Variants in PALD1 observed in about 807,000 individuals in gnomAD.
PALD1 encodes the protein paladin.
In PALD1, 57 loss-of-function variants were observed where a neutral mutation model predicts 96.0. The observed-to-expected ratio is 0.59, with a 90% confidence interval of 0.48 to 0.74. The LOEUF (loss-of-function observed/expected upper bound fraction) is 0.74. PALD1 is among the 30% of genes least tolerant of loss of function. PALD1 has a pLI of 0.00. For missense variants in PALD1, 1,063 were observed against 1,143.7 expected (o/e 0.93, Z 1.02); for synonymous variants, 464 against 473.6 (o/e 0.98, Z 0.26).
intron 17 of PALD1, among the ~76,000 whole-genome samples, chr10:70,546,070 C>G (rs1220404014): frequency 6.6e-6 from 1 of 151,986 alleles, no homozygotes; most frequent in African/African-American, 2.4e-5. Context: ...AACCCTGTCT[C>G]TACTAAAAAT....
At chr10:70,472,568 A>G in the PALD1 span, among the ~76,000 whole-genome samples, 1 of 152,000 alleles carries the variant, frequency 6.6e-6, no homozygotes, top group Non-Finnish European at 1.5e-5. Context: ...GCCAGATCTG[A>G]GTTATTTAAA....
intron 1 of PALD1, among the ~76,000 whole-genome samples, chr10:70,511,158 A>G (rs1846509921): frequency 1.3e-5 from 2 of 152,218 alleles, no homozygotes; most frequent in South Asian, 2.1e-4. Flanking sequence ...GGTCAAACCT[A>G]AAAATAACAG....
At chr10:70,474,453 C>T (rs1414352234), upstream of PALD1, among the ~76,000 whole-genome samples, 2 of 151,954 alleles carry the variant, frequency 1.3e-5, no homozygotes, top group African/African-American at 2.4e-5. Context: ...TCTAACTACT[C>T]GGGAGCCTGA....
chr10:70,536,827 A>C (rs538551786), intron 10 of PALD1, among the ~76,000 whole-genome samples: 3 of 152,158 alleles, frequency 2.0e-5, no homozygotes, highest in Admixed American at 2.0e-4. Context: ...TCTCACTTGA[A>C]TCTCACTTGC....
chr10:70,467,203 C>G, the PALD1 span, among the ~76,000 whole-genome samples: 1 of 152,062 alleles, frequency 6.6e-6, no homozygotes, highest in Non-Finnish European at 1.5e-5. Flanking sequence ...TCTTGACCCC[C>G]TTGGGAAAGA....
chr10:70,547,021 T>C (rs1187155291), intron 17 of PALD1, among the ~76,000 whole-genome samples: 1 of 152,212 alleles, frequency 6.6e-6, no homozygotes, highest in Non-Finnish European at 1.5e-5. Context: ...TCCATGCCTT[T>C]TTTAGATATT....
chr10:70,518,826 G>A (rs1394702047), intron 1 of PALD1, among the ~76,000 whole-genome samples: 2 of 152,044 alleles, frequency 1.3e-5, no homozygotes, highest in African/African-American at 2.4e-5. Context: ...GTGAGTCCCC[G>A]ACCCCTGCCC....
chr10:70,506,873 C>G (rs915206373), intron 1 of PALD1, among the ~76,000 whole-genome samples: 1 of 152,186 alleles, frequency 6.6e-6, no homozygotes, highest in African/African-American at 2.4e-5. Flanking sequence ...ATGTGTCCTC[C>G]TCCTTAGCCT....
At position 70,526,468 on chromosome 10, in the gene PALD1, G is replaced by A. The variant is rs557556655; in HGVS notation, c.185+332G>A. 3.9e-5 allele frequency among the ~76,000 whole-genome samples: 6 copies of A among 152,350 alleles called. No individual in the cohort carries two copies. In the South Asian group the frequency reaches 1.2e-3, roughly 32 times the overall value. On this transcript the variant is annotated intron_variant, in intron 2 of 19. Coordinates refer to ENST00000263563, the MANE Select transcript of PALD1 (RefSeq NM_014431.3). ...TTCAAAAGAAGTTTATGTACTTGAT[G>A]GATGAAATTGGGATTTCTTTTTCAC...
chr10:70,464,979 ATG>A, the PALD1 span, among the ~76,000 whole-genome samples: 1 of 137,404 alleles, frequency 7.3e-6, no homozygotes, highest in Non-Finnish European at 1.5e-5. Context: ...GTATGTATGT[ATG>A]TATGTATGTT....
chr10:70,486,067 C>A (rs180897608), intron 1 of PALD1: 2 of 225,256 alleles, frequency 8.9e-6, no homozygotes, highest in South Asian at 1.7e-4. Context: ...CAAGTTATGC[C>A]GATTGTTTAG....
intron 1 of PALD1, among the ~76,000 whole-genome samples, chr10:70,508,172 G>C (rs1489603968): frequency 6.6e-6 from 1 of 152,234 alleles, no homozygotes; most frequent in Non-Finnish European, 1.5e-5. Context: ...GGCTGGGCCA[G>C]ACCATTTGAG....
the PALD1 span, among the ~76,000 whole-genome samples, chr10:70,470,973 GT>G: frequency 6.1e-3 from 853 of 139,034 alleles, 2 homozygotes; most frequent in African/African-American, 0.017. Flanking sequence ...GGCTAATTTA[GT>G]TTTTTTTTTT....
rs1589198174 is a variant in PALD1, at chr10:70,530,084, C to G, written c.468+16C>G. The G allele has an allele frequency of 2.7e-6, 4 of 1,489,890 alleles. No homozygotes were observed. Among genetic ancestry groups the G allele is most frequent in the Non-Finnish European group, 3.6e-6 (4 of 1,120,766 alleles). 92.3% of individuals were successfully genotyped at this position (1,489,890 alleles called of 1,614,324 possible). On this transcript the variant is annotated intron_variant, in intron 4 of 19. Transcript: ENST00000263563. Reference sequence around the variant, plus strand: ...CGGACATAGGGTAAGTATGCCACTTCCCAGGCAGAAGCCAGGTCCCCAAAG... The same window carrying G: ...CGGACATAGGGTAAGTATGCCACTTGCCAGGCAGAAGCCAGGTCCCCAAAG...
chr10:70,554,103 T>G (rs1847540997), intron 18 of PALD1, among the ~76,000 whole-genome samples: 1 of 152,194 alleles, frequency 6.6e-6, no homozygotes, highest in South Asian at 2.1e-4. Flanking sequence ...GCCTCCTGCA[T>G]GTGAAGGGGC....
chr10:70,468,702 C>CTGTGTGTGTGTGTGTGTGTGTGTG, the PALD1 span, among the ~76,000 whole-genome samples: 2 of 123,806 alleles, frequency 1.6e-5, no homozygotes, highest in Non-Finnish European at 3.4e-5. Context: ...TGAGGCAGGA[C>CTGTGTGTGTGTGTGTGTGTGTGTG]TGTGTGTGTG....
In PALD1 at chr10:70,539,733, A is replaced by G. The variant is rs1847200659; in HGVS notation, c.1879A>G (p.Met627Val). 8 of 1,611,614 alleles carry G rather than the reference A, an allele frequency of 5.0e-6. No homozygotes were observed. The highest frequency in any genetic ancestry group is 6.8e-6 in the Non-Finnish European group (8 of 1,179,144). Residue 627 changes from methionine (M) to valine (V), a missense_variant, in exon 15 of 20, where the codon ATG (methionine) becomes GTG (valine). Physicochemically the swap from Met to Val is conservative, Grantham distance 21. Coordinates refer to ENST00000263563, the MANE Select transcript of PALD1 (RefSeq NM_014431.3). This position sits in a 1 kb window ranked among gnomAD's most constrained non-coding sequence, Gnocchi z 4.5. ...TGGCCTCACCTACCACCGCATCCCCATGCCGGACTTCTGTGCCCCCCGAGA... is the reference window on the plus strand; with the variant it reads ...TGGCCTCACCTACCACCGCATCCCCGTGCCGGACTTCTGTGCCCCCCGAGA... ...CPGLTYHRIPMPDFCAPREED... is the reference protein window; with the variant it reads ...CPGLTYHRIPVPDFCAPREED...
rs773201899 is a variant in PALD1, at chr10:70,566,737, G to A, written c.*4G>A. The A allele has an allele frequency of 2.5e-6, 4 of 1,578,052 alleles. No homozygotes were observed. The highest frequency in any genetic ancestry group is 2.3e-5 in the South Asian group (2 of 87,166). On this transcript the variant is annotated 3_prime_UTR_variant, in exon 20 of 20. Transcript: ENST00000263563. Reference sequence around the variant, plus strand: ...TGCCCCCGAGGACTTGCTGTAGGGGGCCTTACTCCCTGTCCCCCCACCCAC... The same window carrying A: ...TGCCCCCGAGGACTTGCTGTAGGGGACCTTACTCCCTGTCCCCCCACCCAC...
intron 1 of PALD1, among the ~76,000 whole-genome samples, chr10:70,522,581 T>C (rs1019251700): frequency 1.3e-5 from 2 of 152,214 alleles, no homozygotes; most frequent in Non-Finnish European, 2.9e-5. Context: ...CACACTCCAT[T>C]GTCACTGCAG....
Sources: gnomAD v4.1 joint callset for allele counts (sites outside exome capture counted in the v4.1 genomes callset) on GRCh38, gnomAD v4.1.1 for gene constraint, Gnocchi (gnomAD v3.1) non-coding constraint, MANE v1.5 for transcripts, NCBI Gene and HGNC (gene_info 2026-07-23, HGNC 2026-07-21) for gene names.